The following ATP8B4 variants were observed in gnomAD, a reference collection of about 807,000 sequenced individuals.
ATP8B4 encodes the protein probable phospholipid-transporting ATPase IM.
ATP8B4 carries 133 observed loss-of-function variants against 145.6 expected under a neutral mutation model. That is an observed-to-expected ratio of 0.91 (90% confidence interval 0.79 to 1.05). ATP8B4 has a LOEUF of 1.05. ATP8B4 is among the 50% of genes least tolerant of loss of function. The pLI is 0.00. For synonymous variants in ATP8B4, 507 were observed against 492.9 expected, an observed-to-expected ratio of 1.03 and a Z score of -0.38; for missense variants, 1,458 against 1,425.2, an observed-to-expected ratio of 1.02 and a Z score of -0.37.
chr15:49,978,066 TA>T (rs11293159), intron 12 of ATP8B4, among the ~76,000 whole-genome samples: 111,746 of 151,876 alleles, frequency 0.74, 42,751 homozygotes, highest in East Asian at 0.99. Context: ...TTTGGTCTCT[TA>T]AAAAAAAATC....
rs1413073770 is a variant in ATP8B4, at chr15:49,897,367, G to A, written c.2622C>T (p.Cys874=). Residue 874 remains cysteine (C), a synonymous_variant, in exon 23 of 28, where the codon TGC becomes TGT. Coordinates refer to ENST00000284509, the MANE Select transcript of ATP8B4 (RefSeq NM_024837.4). The part of the protein sequence containing the change: ...WSYFRMCKFL[C]YFFYKNFAFT... Reference sequence around the variant, plus strand: ...ATGCAAAATTCTTATAGAAGAAATAGCATAAGAATTTGCACATTCGGAAAT... The same window carrying A: ...ATGCAAAATTCTTATAGAAGAAATAACATAAGAATTTGCACATTCGGAAAT... 3 of 1,613,856 alleles carry A rather than the reference G, an allele frequency of 1.9e-6. No individual in the cohort carries two copies. The highest frequency in any genetic ancestry group is 3.3e-5 in the Admixed American group (2 of 59,986).
chr15:50,053,718 G>C (rs1319773298), intron 3 of ATP8B4, among the ~76,000 whole-genome samples: 2 of 152,134 alleles, frequency 1.3e-5, no homozygotes, highest in African/African-American at 4.8e-5. Flanking sequence ...TACTTGGTGG[G>C]GGGGTGGGGT....
chr15:50,003,567 T>C (rs1017735476), intron 7 of ATP8B4, among the ~76,000 whole-genome samples: 10 of 152,046 alleles, frequency 6.6e-5, no homozygotes, highest in African/African-American at 2.4e-4. Flanking sequence ...TTTTGAAAAT[T>C]CACCTTGATC....
rs2040035190 is a variant in ATP8B4 at position 49,919,297 on chromosome 15, A to G, written c.1924-347T>C. Among the ~76,000 whole-genome samples, 4 of 152,352 alleles carry G rather than the reference A, an allele frequency of 2.6e-5. No homozygotes were observed. In the South Asian group the frequency reaches 8.3e-4, roughly 32 times the overall value. On this transcript the variant is annotated intron_variant, in intron 18 of 27. Coordinates refer to ENST00000284509, the MANE Select transcript of ATP8B4 (RefSeq NM_024837.4). Reference sequence around the variant, plus strand: ...ATATCAACAGTGGAGGAGTCCAAAGAATAGCCTTCATCCCATAGTCAGGAA... The same window carrying G: ...ATATCAACAGTGGAGGAGTCCAAAGGATAGCCTTCATCCCATAGTCAGGAA...
chr15:50,109,974 A>G (rs1303261817), intron 1 of ATP8B4, among the ~76,000 whole-genome samples: 1 of 152,202 alleles, frequency 6.6e-6, no homozygotes, highest in Non-Finnish European at 1.5e-5. Flanking sequence ...TCCTAAAATT[A>G]CTTTTAAAAC....
chr15:49,946,726 G>T (rs2042600374), intron 14 of ATP8B4, among the ~76,000 whole-genome samples: 1 of 151,698 alleles, frequency 6.6e-6, no homozygotes, highest in Non-Finnish European at 1.5e-5. Context: ...AAAAATATTT[G>T]AACTTATTTC....
intron 6 of ATP8B4, among the ~76,000 whole-genome samples, chr15:50,015,206 A>G (rs1320039262): frequency 2.0e-5 from 3 of 152,246 alleles, no homozygotes; most frequent in Non-Finnish European, 4.4e-5. Context: ...AAATTTCTTG[A>G]AAGATACACA....
At chr15:50,012,156 A>AACCTAGGAAGCCTTCTAAATCTCAT (rs1476212565) in intron 6 of ATP8B4, among the ~76,000 whole-genome samples, 22 of 152,286 alleles carry the variant, frequency 1.4e-4, no homozygotes, top group African/African-American at 5.1e-4. Context: ...ACAATAGAAG[A>AACCTAGGAAGCCTTCTAAATCTCAT]ACCTAGGAAG....
intron 1 of ATP8B4, among the ~76,000 whole-genome samples, chr15:50,141,262 C>CTAACTGA (rs2044205103): frequency 6.6e-6 from 1 of 151,904 alleles, no homozygotes; most frequent in East Asian, 1.9e-4. Context: ...TTAAGTGATG[C>CTAACTGA]TAACTGATTA....
In ATP8B4 at chr15:49,866,424, C is replaced by T; in HGVS notation, c.3088G>A (p.Ala1030Thr). 8 of 1,613,592 alleles carry T rather than the reference C, an allele frequency of 5.0e-6. No homozygotes were observed. The highest frequency in any genetic ancestry group is 6.8e-6 in the Non-Finnish European group (8 of 1,179,502). ...INHVFIWGSIAIYFSILFTMH... is the reference protein window; with the variant it reads ...INHVFIWGSITIYFSILFTMH... ...GTAAATAAAATGGAGAAATAAATGG[C>T]AATGCTCCCCCAGATGAAGACGTGA... Residue 1030 changes from alanine (A) to threonine (T), a missense_variant, in exon 26 of 28, where the codon GCC becomes ACC. By Grantham distance (58) the Ala-to-Thr change is moderately conservative. Coordinates refer to ENST00000284509, the MANE Select transcript of ATP8B4 (RefSeq NM_024837.4).
intron 1 of ATP8B4, among the ~76,000 whole-genome samples, chr15:50,181,772 T>C (rs568974580): frequency 7.9e-5 from 12 of 152,278 alleles, no homozygotes; most frequent in Admixed American, 7.8e-4. Context: ...GGAAAGCCCT[T>C]GGGACCAGGA....
At chr15:49,902,689 G>C (rs1024880638) in intron 20 of ATP8B4, among the ~76,000 whole-genome samples, 1 of 152,188 alleles carries the variant, frequency 6.6e-6, no homozygotes. Context: ...TTGTAAGTGA[G>C]AGGATCAGAC....
intron 23 of ATP8B4, among the ~76,000 whole-genome samples, chr15:49,889,112 A>T (rs2413974): frequency 0.23 from 34,761 of 148,230 alleles, 4,377 homozygotes; most frequent in African/African-American, 0.33. Flanking sequence ...CAGTATTTTT[A>T]AAAAAAAAAA....
At chr15:49,988,663 T>C (rs2046823022) in intron 9 of ATP8B4, among the ~76,000 whole-genome samples, 1 of 152,164 alleles carries the variant, frequency 6.6e-6, no homozygotes, top group Non-Finnish European at 1.5e-5. Context: ...AAAAGGGGAC[T>C]GTATCTTTAG....
chr15:50,106,366 C>T (rs989795447), intron 2 of ATP8B4, among the ~76,000 whole-genome samples: 5 of 152,172 alleles, frequency 3.3e-5, no homozygotes, highest in Non-Finnish European at 4.4e-5. Flanking sequence ...AAATTGGATT[C>T]AGCAAACTGA....
intron 3 of ATP8B4, among the ~76,000 whole-genome samples, chr15:50,058,516 A>G (rs994041851): frequency 6.6e-6 from 1 of 152,220 alleles, no homozygotes; most frequent in African/African-American, 2.4e-5. Context: ...AGAATTTTCC[A>G]AAGGGCCAAA....
At chr15:49,885,816 G>A (rs1277149253) in intron 23 of ATP8B4, 2 of 152,212 alleles carry the variant, frequency 1.3e-5, no homozygotes, top group Non-Finnish European at 2.9e-5. Context: ...GATACCTGAT[G>A]GCTTGTGTTC....
intron 13 of ATP8B4, 88 bp downstream of exon 13, chr15:49,972,494 T>G: frequency 2.3e-6 from 3 of 1,290,372 alleles, no homozygotes; most frequent in Non-Finnish European, 3.2e-6. Context: ...CAGCGACTGT[T>G]TTGGATTTTT....
At chr15:50,082,021 G>T (rs2054589302) in intron 2 of ATP8B4, among the ~76,000 whole-genome samples, 1 of 152,208 alleles carries the variant, frequency 6.6e-6, no homozygotes, top group Non-Finnish European at 1.5e-5. Flanking sequence ...TTGGGGTTTA[G>T]GGTGATTGTG....
Sources: allele counts gnomAD v4.1 joint callset (sites outside exome capture counted in the v4.1 genomes callset), GRCh38; gene constraint gnomAD v4.1.1; transcripts MANE v1.5; gene names NCBI Gene and HGNC (gene_info 2026-07-23, HGNC 2026-07-21).